Variants in PPFIA1 observed in about 807,000 individuals in gnomAD.
PPFIA1 encodes the protein liprin-alpha-1.
A neutral mutation model predicts 149.9 loss-of-function variants in PPFIA1; 25 were observed. That is an observed-to-expected ratio of 0.17 (90% CI 0.12 to 0.23). The LOEUF is 0.23. Among genes scored for constraint, PPFIA1 ranks in the 10% least tolerant of loss-of-function variants. The probability of loss-of-function intolerance (pLI) is 1.00; values close to 1 mark genes in which losing one functional copy is unlikely to be tolerated. For missense variants in PPFIA1, 1,362 were observed against 1,506.5 expected, an observed-to-expected ratio of 0.90 and a Z score of 1.59; for synonymous variants, 549 against 552.8, an observed-to-expected ratio of 0.99 and a Z score of 0.10.
chr11:70,343,820 G>C lies in PPFIA1; in HGVS notation c.1859G>C (p.Ser620Thr). The C allele has an allele frequency of 6.2e-7, 1 of 1,614,208 alleles. No individual in the cohort carries two copies. Among genetic ancestry groups the C allele is most frequent in the Non-Finnish European group, 8.5e-7 (1 of 1,180,040 alleles). The change falls in exon 15 of 28, where the codon AGC becomes ACC. Residue 620 changes from serine to threonine, a missense_variant. Around this residue, in one of 7 missense-constraint regions of PPFIA1, gnomAD observed 733 missense variants for 744.1 expected, o/e 0.99. Coordinates refer to ENST00000253925, the MANE Select transcript of PPFIA1 (RefSeq NM_003626.5). Reference sequence around the variant, plus strand: ...AGCTCAGTTGACCTGCTATCGCCCAGCGGGCAGGCCGACGCGCACACACTA... The same window carrying C: ...AGCTCAGTTGACCTGCTATCGCCCACCGGGCAGGCCGACGCGCACACACTA... ...LLSSVDLLSP[S>T]GQADAHTLAM...
chr11:70,343,959 GA>G, intron 15 of PPFIA1, 67 bp downstream of exon 15: 1 of 1,338,906 alleles, frequency 7.5e-7, no homozygotes, highest in Non-Finnish European at 1.0e-6. Flanking sequence ...ATCTTGCCTG[GA>G]AAAGTCTGGA....
In PPFIA1 at chr11:70,356,141, G is replaced by T; in HGVS notation, c.2489-20G>T. On this transcript the variant is annotated intron_variant, in intron 18 of 27. Coordinates refer to ENST00000253925, the MANE Select transcript of PPFIA1 (RefSeq NM_003626.5). Reference sequence around the variant, plus strand: ...TTGTCATGCTGATTTTTACTTCTGGGCTGTTCTGCTTCCTCACAGCTGGTG... The same window carrying T: ...TTGTCATGCTGATTTTTACTTCTGGTCTGTTCTGCTTCCTCACAGCTGGTG... 6.3e-7 allele frequency: 1 copy of T among 1,587,808 alleles called. No individual in the cohort carries two copies. The highest frequency in any genetic ancestry group is 8.6e-7 in the Non-Finnish European group (1 of 1,156,298).
chr11:70,348,429 C>A lies in PPFIA1; in HGVS notation c.2163+9C>A. ...TGGGCGTCATGACCCTTGTACGTAT[C>A]CGCCCTTTCCCTGCTGTGGCTGCCC... On this transcript the variant is annotated intron_variant, in intron 16 of 27. Transcript: ENST00000253925. 1 of 1,574,370 alleles carries A rather than the reference C, an allele frequency of 6.4e-7. No individual in the cohort carries two copies. Among genetic ancestry groups the A allele is most frequent in the Non-Finnish European group, 8.7e-7 (1 of 1,144,534 alleles).
At chr11:70,374,810 C>A in intron 23 of PPFIA1, 108 bp from the exon 24 acceptor site, 1 of 1,020,240 alleles carries the variant, frequency 9.8e-7, no homozygotes, top group Non-Finnish European at 1.5e-6. Flanking sequence ...TTCTCAGGAG[C>A]CGAAGGATTA....
At chr11:70,358,003 C>T (rs1385468591) in intron 19 of PPFIA1, among the ~76,000 whole-genome samples, 1 of 152,230 alleles carries the variant, frequency 6.6e-6, no homozygotes, top group South Asian at 2.1e-4. Flanking sequence ...TTAGATTTTG[C>T]TAATGTTACT....
In PPFIA1 at chr11:70,280,249, T is replaced by A. The variant is rs775004818; in HGVS notation, c.264+7813T>A. ...ATATACGTACATACATATATATATA[T>A]AAATATATATGTATATAAAAATTTT... On this transcript the variant is annotated intron_variant, in intron 2 of 27. Coordinates refer to ENST00000253925, the MANE Select transcript of PPFIA1 (RefSeq NM_003626.5). 2.7e-3 allele frequency among the ~76,000 whole-genome samples: 399 copies of A among 148,952 alleles called. 1 individual carries two copies. The highest frequency in any genetic ancestry group is 4.3e-3 in the Non-Finnish European group (291 of 67,546).
intron 1 of PPFIA1, among the ~76,000 whole-genome samples, chr11:70,271,575 T>C (rs977947885): frequency 6.6e-6 from 1 of 152,136 alleles, no homozygotes; most frequent in African/African-American, 2.4e-5. Context: ...GTTGCAGCCA[T>C]TGGAAAACAC....
intron 21 of PPFIA1, among the ~76,000 whole-genome samples, chr11:70,371,101 C>T (rs2057214235): frequency 6.6e-6 from 1 of 152,198 alleles, no homozygotes; most frequent in Non-Finnish European, 1.5e-5. Context: ...TACTGCACTC[C>T]AGCCTGGGCG....
At chr11:70,297,374 A>G (rs765843066) in intron 2 of PPFIA1, among the ~76,000 whole-genome samples, 22 of 152,044 alleles carry the variant, frequency 1.4e-4, no homozygotes, top group Non-Finnish European at 3.1e-4. Flanking sequence ...ATACCACTGT[A>G]CTCCAGCCTG....
At chr11:70,339,355 T>A in intron 14 of PPFIA1, 49 bp downstream of exon 14, 1 of 1,573,818 alleles carries the variant, frequency 6.4e-7, no homozygotes, top group Non-Finnish European at 8.7e-7. Flanking sequence ...GTTACCTACT[T>A]ATCCCGTGGC....
chr11:70,342,936 CTTTTTTTTTTTT>C (rs71463672), intron 14 of PPFIA1, among the ~76,000 whole-genome samples: 11 of 78,174 alleles, frequency 1.4e-4, no homozygotes, highest in South Asian at 4.6e-4. Flanking sequence ...AATGTACCAC[CTTTTTTTTTTTT>C]TTTTTTTTTT....
intron 2 of PPFIA1, among the ~76,000 whole-genome samples, chr11:70,303,457 T>C (rs180735622): frequency 7.5e-4 from 114 of 152,320 alleles, no homozygotes; most frequent in African/African-American, 2.7e-3. Context: ...ACTACAATTG[T>C]TATGAAATCA....
intron 14 of PPFIA1, among the ~76,000 whole-genome samples, chr11:70,339,763 C>T (rs1470172416): frequency 6.6e-6 from 1 of 151,986 alleles, no homozygotes; most frequent in African/African-American, 2.4e-5. Flanking sequence ...GCCTATAATC[C>T]CAGAACTTTG....
intron 2 of PPFIA1, among the ~76,000 whole-genome samples, chr11:70,285,402 A>T (rs1294405194): frequency 6.6e-6 from 1 of 152,254 alleles, no homozygotes; most frequent in East Asian, 1.9e-4. Context: ...AGCAAAAATT[A>T]AAAACTCTTG....
chr11:70,274,937 G>C (rs1054141422), intron 2 of PPFIA1, among the ~76,000 whole-genome samples: 2 of 152,078 alleles, frequency 1.3e-5, no homozygotes, highest in African/African-American at 4.8e-5. Flanking sequence ...CAGGCCGGAG[G>C]ATATGTGTAC....
At chr11:70,324,807 A>C (rs1365779011) in intron 3 of PPFIA1, 40 bp from the exon 4 acceptor site, 1 of 1,468,262 alleles carries the variant, frequency 6.8e-7, no homozygotes, top group African/African-American at 1.4e-5. Context: ...GAAATTAAAA[A>C]TGCTGTTTAA....
chr11:70,332,281 C>T (rs977536582), intron 9 of PPFIA1, among the ~76,000 whole-genome samples, 187 bp downstream of exon 9: 5 of 152,100 alleles, frequency 3.3e-5, no homozygotes, highest in African/African-American at 7.2e-5. Context: ...CCTTTTATCC[C>T]GAAGTCTACC....
chr11:70,367,700 A>G (rs2057016667), intron 21 of PPFIA1: 1 of 428,628 alleles, frequency 2.3e-6, no homozygotes, highest in Admixed American at 2.7e-5. Flanking sequence ...GAGTCTGAGC[A>G]GAGCATATAA....
chr11:70,381,325 C>T (rs1056776389), intron 26 of PPFIA1: 1 of 152,140 alleles, frequency 6.6e-6, no homozygotes, highest in Non-Finnish European at 1.5e-5. Flanking sequence ...TACCTGCTTC[C>T]GATTTGCAAA....
Sources: allele counts gnomAD v4.1 joint callset (sites outside exome capture counted in the v4.1 genomes callset), GRCh38; gene constraint gnomAD v4.1.1; regional missense constraint gnomAD v4.1.1; transcripts MANE v1.5; gene names NCBI Gene and HGNC (gene_info 2026-07-23, HGNC 2026-07-21).